SCUBE1: variants seen among roughly 807,000 people sequenced by gnomAD.
The protein encoded by SCUBE1 is signal peptide, CUB and EGF-like domain-containing protein 1.
In SCUBE1, 59 loss-of-function variants were observed where a neutral mutation model predicts 124.4. The observed-to-expected ratio is 0.47, with a 90% CI of 0.38 to 0.59. The LOEUF is 0.59. Among genes scored for constraint, SCUBE1 ranks in the 20% least tolerant of loss-of-function variants. The pLI is 0.00. For synonymous variants in SCUBE1, 545 were observed against 550.9 expected (o/e 0.99, Z 0.15); for missense variants, 1,150 against 1,371.2 (o/e 0.84, Z 2.55).
intron 6 of SCUBE1, among the ~76,000 whole-genome samples, chr22:43,251,241 C>T (rs1245192963): frequency 2.0e-5 from 3 of 152,210 alleles, no homozygotes; most frequent in Admixed American, 2.0e-4. Flanking sequence ...GGGTGGGGTG[C>T]ATCCCACATC....
chr22:43,324,796 A>T (rs886411956), intron 2 of SCUBE1, among the ~76,000 whole-genome samples: 2 of 151,664 alleles, frequency 1.3e-5, no homozygotes, highest in Non-Finnish European at 2.9e-5. Context: ...GAGGGGACAG[A>T]GCACAGCTCT....
intron 2 of SCUBE1, among the ~76,000 whole-genome samples, chr22:43,321,832 C>A (rs1926565720): frequency 6.6e-6 from 1 of 152,200 alleles, no homozygotes; most frequent in African/African-American, 2.4e-5. Context: ...CCTGCCTCAG[C>A]CTCCCTAGTA....
intron 6 of SCUBE1, among the ~76,000 whole-genome samples, chr22:43,256,787 G>A (rs1923676731): frequency 6.6e-6 from 1 of 152,232 alleles, no homozygotes; most frequent in Non-Finnish European, 1.5e-5. Flanking sequence ...CAGGAGGGAG[G>A]CTGGGTGGCC....
chr22:43,272,054 A>G (rs375762592), intron 4 of SCUBE1, among the ~76,000 whole-genome samples: 202 of 152,232 alleles, frequency 1.3e-3, no homozygotes, highest in Admixed American at 6.0e-3. Flanking sequence ...CCCTCCATTA[A>G]GTGCTCACCT....
Position 43,343,190 on chromosome 22 carries a change from C to T in SCUBE1, c.72G>A (p.Gly24=). ...LALGTRGRLA[G]GSGLPGSVDV... is the part of the protein sequence containing the mutation. ...GGGGCTTACCTGGGAGCCCGCTGCC[C>T]CCGGCCAGCCGCCCGCGTGTGCCCA... Residue 24 remains glycine, a synonymous_variant, in exon 1 of 22, where the codon GGG becomes GGA. Transcript: ENST00000360835. 1 of 1,192,944 alleles carries T rather than the reference C, an allele frequency of 8.4e-7. No individual in the cohort carries two copies. Among genetic ancestry groups the T allele is most frequent in the South Asian group, 3.0e-5 (1 of 33,886 alleles). The allele number at this position is 1,192,944 out of a possible 1,614,324, so 73.9% of individuals were successfully genotyped here.
At chr22:43,240,193 G>A (rs765087415) in intron 6 of SCUBE1, among the ~76,000 whole-genome samples, 3 of 152,166 alleles carry the variant, frequency 2.0e-5, no homozygotes, top group Admixed American at 6.5e-5. Flanking sequence ...CATCACCACC[G>A]TAGGATGAGC....
Position 43,214,240 on chromosome 22 carries a change from G to A in SCUBE1, c.1903C>T (p.Pro635Ser). The change falls in exon 16 of 22, where the codon CCT (proline) becomes TCT (serine). Residue 635 changes from proline to serine, a missense_variant. Pro to Ser is a moderately conservative substitution (Grantham distance 74). Around this residue, in one of 3 missense-constraint regions of SCUBE1, gnomAD observed 757 missense variants for 840.9 expected, o/e 0.90. Coordinates refer to ENST00000360835, the MANE Select transcript of SCUBE1 (RefSeq NM_173050.5). The part of the protein sequence containing the change: ...LQDSKCVACG[P>S]GTHFGGELGQ... Reference sequence around the variant, plus strand: ...AGCTCACCACCGAAGTGGGTGCCAGGCCCACAGGCAACTGCAGAGGCAAAG... The same window carrying A: ...AGCTCACCACCGAAGTGGGTGCCAGACCCACAGGCAACTGCAGAGGCAAAG... 1 of 1,612,036 alleles carries A rather than the reference G, an allele frequency of 6.2e-7. No individual in the cohort carries two copies. Among genetic ancestry groups the A allele is most frequent in the South Asian group, 1.1e-5 (1 of 90,942 alleles).
At chr22:43,337,606 C>A (rs924125793) in intron 2 of SCUBE1, among the ~76,000 whole-genome samples, 1 of 152,210 alleles carries the variant, frequency 6.6e-6, no homozygotes, top group African/African-American at 2.4e-5. Context: ...TGGGTAGGCG[C>A]CAGCTCCCCA....
At chr22:43,280,369 T>A (rs1569009178) in intron 4 of SCUBE1, among the ~76,000 whole-genome samples, 1 of 146,082 alleles carries the variant, frequency 6.8e-6, no homozygotes, top group Non-Finnish European at 1.5e-5. Context: ...GCTCACCAAG[T>A]CTCTCACCGT....
rs750386683 is a variant in SCUBE1, at chr22:43,258,249, C to T, written c.697G>A (p.Ala233Thr). The change falls in exon 6 of 22, where the codon GCC becomes ACC. Residue 233 changes from alanine (A) to threonine (T), a missense_variant. By Grantham distance (58) the Ala-to-Thr change is moderately conservative. Transcript: ENST00000360835. This position sits in a 1 kb window ranked among gnomAD's most constrained non-coding sequence, Gnocchi z 5.0. Reference sequence around the variant, plus strand: ...CACGTGCGACCGTCTGAGTGGAGGGCGTACTTCTGGTGGCAACCACACGTG... The same window carrying T: ...CACGTGCGACCGTCTGAGTGGAGGGTGTACTTCTGGTGGCAACCACACGTG... ...GPTCGCHQKY[A>T]LHSDGRTCIE... The T allele has an allele frequency of 6.8e-6, 11 of 1,613,158 alleles. No homozygotes were observed. The African/African-American group carries it at 8.0e-5, about 12-fold the overall frequency.
rs374539110 is a variant in SCUBE1 at position 43,293,391 on chromosome 22, C to T, written c.350-2211G>A. 1.0e-3 allele frequency among the ~76,000 whole-genome samples: 154 copies of T among 152,344 alleles called. 1 individual carries two copies. The South Asian group carries it at 0.03, about 30-fold the overall frequency. ...GTGACACAGCACACCAGAGTGAAGGCGGGACCCAGCCCTGCGGTCTGGCTG... is the reference window on the plus strand; with the variant it reads ...GTGACACAGCACACCAGAGTGAAGGTGGGACCCAGCCCTGCGGTCTGGCTG... On this transcript the variant is annotated intron_variant, in intron 3 of 21. Transcript: ENST00000360835.
chr22:43,300,038 TC>T (rs1414951908), intron 3 of SCUBE1, among the ~76,000 whole-genome samples: 1 of 152,194 alleles, frequency 6.6e-6, no homozygotes, highest in Non-Finnish European at 1.5e-5. Flanking sequence ...CTGATGGACA[TC>T]CGGGTTGTGC....
In SCUBE1 at chr22:43,197,739, G is replaced by C. The variant is rs1920952274; in HGVS notation, c.*6258C>G. The stretch of plus-strand genomic sequence containing the variant: ...CTCGGCAAGGGCACTTGAGCCTCTG[G>C]CTGTGTCTGCTCACGTCGGCACAGT... On this transcript the variant is annotated 3_prime_UTR_variant, in exon 22 of 22. Coordinates refer to ENST00000360835, the MANE Select transcript of SCUBE1 (RefSeq NM_173050.5). 6.6e-6 allele frequency: 1 copy of C among 152,302 alleles called. No homozygotes were observed. Among genetic ancestry groups the C allele is most frequent in the African/African-American group, 2.4e-5 (1 of 41,472 alleles). 9.4% of individuals were successfully genotyped at this position (152,302 alleles called of 1,614,324 possible).
rs149323448 is a variant in SCUBE1 at position 43,222,674 on chromosome 22, T to A, written c.1396A>T (p.Asn466Tyr). 2 of 1,603,588 alleles carry A rather than the reference T, an allele frequency of 1.2e-6. No homozygotes were observed. Among genetic ancestry groups the A allele is most frequent in the African/African-American group, 2.7e-5 (2 of 74,800 alleles). ...GPQGKALQKR[N>Y]GTSSGLGPSC... ...GGCCCGAGGCCAGAGCTGGTGCCGT[T>A]GCGTTTCTGCAGCGCCTTGCCCTGC... Residue 466 changes from asparagine (N) to tyrosine (Y), a missense_variant, in exon 12 of 22, where the codon AAC becomes TAC. Physicochemically the swap from Asn to Tyr is moderately radical, Grantham distance 143. Transcript: ENST00000360835.
intron 6 of SCUBE1, among the ~76,000 whole-genome samples, chr22:43,250,314 C>T (rs1441152329): frequency 6.6e-6 from 1 of 152,236 alleles, no homozygotes; most frequent in Non-Finnish European, 1.5e-5. Flanking sequence ...GATGCTGCGA[C>T]TGCTCCCAGG....
rs911145478 is a variant in SCUBE1, at chr22:43,198,199, CTGAG to C, written c.*5794_*5797del. ...CCCAGAGCCTGGCACCCAGTGGGCA[CTGAG>C]TGAGCGTCAGCTTCCCCACCTTTCC... is the stretch of plus-strand genomic sequence containing the variant. On this transcript the variant is annotated 3_prime_UTR_variant, in exon 22 of 22. Coordinates refer to ENST00000360835, the MANE Select transcript of SCUBE1 (RefSeq NM_173050.5). 61 of 273,992 alleles carry C rather than the reference CTGAG, an allele frequency of 2.2e-4. 1 individual carries two copies. The highest frequency in any genetic ancestry group is 1.1e-3 in the African/African-American group (51 of 44,908). 17.0% of individuals were successfully genotyped at this position (273,992 alleles called of 1,614,324 possible). A position where few individuals can be genotyped will look rare whatever the true frequency, so the allele number is the denominator to read the frequency against.
chr22:43,207,713 C>T, intron 20 of SCUBE1, 100 bp from the exon 21 acceptor site: 1 of 933,128 alleles, frequency 1.1e-6, no homozygotes, highest in South Asian at 1.3e-5. Flanking sequence ...GTGCTCCAGC[C>T]ACGGGCTCTG....
At chr22:43,268,397 C>A (rs538775412) in intron 4 of SCUBE1, among the ~76,000 whole-genome samples, 1 of 152,382 alleles carries the variant, frequency 6.6e-6, no homozygotes, top group East Asian at 1.9e-4. Context: ...ATTTCAGAGT[C>A]ATTCCCAGAA....
At chr22:43,245,086 C>CT (rs1450943487) in intron 6 of SCUBE1, among the ~76,000 whole-genome samples, 1 of 152,280 alleles carries the variant, frequency 6.6e-6, no homozygotes, top group Non-Finnish European at 1.5e-5. Context: ...GCCGTGCTCC[C>CT]TGGCAAGCCC....
Sources: gnomAD v4.1 joint callset for allele counts (sites outside exome capture counted in the v4.1 genomes callset) on GRCh38, gnomAD v4.1.1 for gene constraint, gnomAD v4.1.1 regional missense constraint, Gnocchi (gnomAD v3.1) non-coding constraint, MANE v1.5 for transcripts, NCBI Gene and HGNC (gene_info 2026-07-23, HGNC 2026-07-21) for gene names.